Variants in VAV3 observed in about 807,000 individuals in gnomAD.
VAV3 encodes guanine nucleotide exchange factor VAV3.
A neutral mutation model predicts 131.2 loss-of-function variants in VAV3; 94 were observed. That is an observed-to-expected ratio of 0.72 (90% CI 0.61 to 0.85). The LOEUF is 0.85. Among genes scored for constraint, VAV3 ranks in the 40% least tolerant of loss-of-function variants. The pLI is 0.00. For synonymous variants in VAV3, 349 were observed against 342.0 expected (o/e 1.02, Z -0.22); for missense variants, 939 against 1,002.7 (o/e 0.94, Z 0.86).
Position 107,755,502 on chromosome 1 carries a change from T to C in VAV3, c.1098A>G (p.Gln366=). 1.2e-6 allele frequency: 2 copies of C among 1,613,044 alleles called. No individual in the cohort carries two copies. The highest frequency in any genetic ancestry group is 1.3e-5 in the African/African-American group (1 of 75,016). ...LALDAMKDLA[Q]YVNEVKRDNE... ...TATCTCTTTTCACTTCATTCACATA[T>C]TGTGCCAAGTCCTAGACAATAAAGA... is the stretch of plus-strand genomic sequence containing the variant. Residue 366 remains glutamine (Q), a synonymous_variant, in exon 12 of 27, where the codon CAA becomes CAG. Transcript: ENST00000370056.
rs144471891 is a variant in VAV3, at chr1:107,899,542, AG to A, written c.205-24526del. ...GCACAGTTAACTACACATTGAGGGAAGGTTTAAGAAACAAGGAGCCAGCCAC... is the reference window on the plus strand; with the variant it reads ...GCACAGTTAACTACACATTGAGGGAAGTTTAAGAAACAAGGAGCCAGCCAC... On this transcript the variant is annotated intron_variant, in intron 1 of 26. Transcript: ENST00000370056. 2.1e-3 allele frequency among the ~76,000 whole-genome samples: 325 copies of A among 152,344 alleles called. 1 individual carries two copies. The highest frequency in any genetic ancestry group is 7.6e-3 in the African/African-American group (314 of 41,584).
chr1:107,695,125 G>A (rs1484342840), intron 17 of VAV3, among the ~76,000 whole-genome samples: 3 of 152,154 alleles, frequency 2.0e-5, no homozygotes, highest in African/African-American at 7.2e-5. Flanking sequence ...GGAGAACTGT[G>A]AGTAGTTAAA....
intron 7 of VAV3, among the ~76,000 whole-genome samples, 160 bp from the exon 8 acceptor site, chr1:107,766,710 G>C (rs1420308482): frequency 6.6e-6 from 1 of 152,010 alleles, no homozygotes; most frequent in East Asian, 1.9e-4. Context: ...GGGAAAAGGA[G>C]AGTGGGGAGA....
intron 19 of VAV3, among the ~76,000 whole-genome samples, chr1:107,673,801 A>T (rs1657991799): frequency 6.6e-6 from 1 of 152,248 alleles, no homozygotes. Context: ...TAAAAAATAA[A>T]CATATGAGGA....
At chr1:107,657,258 G>A (rs149068186) in intron 19 of VAV3, among the ~76,000 whole-genome samples, 213 of 152,084 alleles carry the variant, frequency 1.4e-3, no homozygotes, top group African/African-American at 4.9e-3. Context: ...CCCGGCCTCT[G>A]TATCTTGAAT....
intron 15 of VAV3, among the ~76,000 whole-genome samples, chr1:107,720,018 T>G (rs372620937): frequency 2.0e-4 from 31 of 152,096 alleles, no homozygotes; most frequent in African/African-American, 7.0e-4. Flanking sequence ...ATGAGAACAC[T>G]TGGACACAAG....
intron 1 of VAV3, among the ~76,000 whole-genome samples, chr1:107,900,165 A>C (rs1671784998): frequency 6.6e-6 from 1 of 152,188 alleles, no homozygotes; most frequent in Admixed American, 6.5e-5. Flanking sequence ...TTACACATGG[A>C]TAGAAATACA....
chr1:107,790,444 T>TGCACATAC (rs1160628403), intron 2 of VAV3, among the ~76,000 whole-genome samples: 1 of 152,052 alleles, frequency 6.6e-6, no homozygotes, highest in Non-Finnish European at 1.5e-5. Context: ...GTCACAAAAA[T>TGCACATAC]GCACATACGT....
intron 2 of VAV3, among the ~76,000 whole-genome samples, chr1:107,795,715 G>A (rs1161196444): frequency 6.6e-6 from 1 of 152,232 alleles, no homozygotes; most frequent in South Asian, 2.1e-4. Flanking sequence ...ATTTGCATAA[G>A]TCGTTAGGGC....
At chr1:107,897,494 G>C (rs182118832) in intron 1 of VAV3, among the ~76,000 whole-genome samples, 1 of 151,828 alleles carries the variant, frequency 6.6e-6, no homozygotes, top group Non-Finnish European at 1.5e-5. Flanking sequence ...AGAATGCCAC[G>C]AGGGAAGGAA....
rs1664995614 is a variant in VAV3, at chr1:107,770,731, G to A, written c.556-3C>T. ...CGTATATCATTTTCTGGACATTTCT[G>A]CAGTTAGAATTATCAAAATAAAATG... is the stretch of plus-strand genomic sequence containing the variant. On this transcript the variant is annotated splice_polypyrimidine_tract_variant and splice_region_variant and intron_variant, in intron 5 of 26. Coordinates refer to ENST00000370056, the MANE Select transcript of VAV3 (RefSeq NM_006113.5). 1 of 1,602,414 alleles carries A rather than the reference G, an allele frequency of 6.2e-7. No individual in the cohort carries two copies.
chr1:107,851,045 CAG>C (rs1669197521), intron 2 of VAV3, among the ~76,000 whole-genome samples: 1 of 151,722 alleles, frequency 6.6e-6, no homozygotes, highest in Non-Finnish European at 1.5e-5. Context: ...GGGAACAAGA[CAG>C]AGCTGAGAAG....
intron 24 of VAV3, among the ~76,000 whole-genome samples, chr1:107,597,295 C>A (rs1413954523): frequency 2.0e-5 from 3 of 150,640 alleles, no homozygotes; most frequent in African/African-American, 4.9e-5. Flanking sequence ...AACTTAATAT[C>A]TCTGTTCAGT....
At chr1:107,934,490 T>C (rs1348979788) in intron 1 of VAV3, among the ~76,000 whole-genome samples, 1 of 152,212 alleles carries the variant, frequency 6.6e-6, no homozygotes, top group East Asian at 1.9e-4. Context: ...TTTTAAGCCA[T>C]TTAACTAAGA....
At chr1:107,851,171 C>CAA (rs35609784) in intron 2 of VAV3, among the ~76,000 whole-genome samples, 59 of 68,428 alleles carry the variant, frequency 8.6e-4, no homozygotes, top group African/African-American at 2.7e-3. Context: ...GACTCCGTCT[C>CAA]AAAAAAAAAA....
chr1:107,907,117 T>G (rs969269142), intron 1 of VAV3, among the ~76,000 whole-genome samples: 1 of 152,066 alleles, frequency 6.6e-6, no homozygotes, highest in Non-Finnish European at 1.5e-5. Context: ...CAAAAAGAAT[T>G]TAGGAAGAAG....
At chr1:107,880,078 T>C (rs1670693534) in intron 1 of VAV3, among the ~76,000 whole-genome samples, 1 of 152,234 alleles carries the variant, frequency 6.6e-6, no homozygotes, top group Admixed American at 6.5e-5. Context: ...CAAAGGCTTA[T>C]TATAGTGAGA....
At chr1:107,919,662 A>G (rs1672795179) in intron 1 of VAV3, among the ~76,000 whole-genome samples, 1 of 152,176 alleles carries the variant, frequency 6.6e-6, no homozygotes, top group South Asian at 2.1e-4. Context: ...AAACCATTGT[A>G]AGCATTATAT....
At chr1:107,775,019 C>T (rs958138891) in intron 4 of VAV3, among the ~76,000 whole-genome samples, 1 of 151,784 alleles carries the variant, frequency 6.6e-6, no homozygotes, top group Admixed American at 6.6e-5. Flanking sequence ...CCAGCCTGGG[C>T]ATATTAAATA....
Sources: allele counts gnomAD v4.1 joint callset (sites outside exome capture counted in the v4.1 genomes callset), GRCh38; gene constraint gnomAD v4.1.1; transcripts MANE v1.5; gene names NCBI Gene and HGNC (gene_info 2026-07-23, HGNC 2026-07-21).